EIF3D: variants seen among roughly 807,000 people sequenced by gnomAD.
EIF3D encodes eukaryotic translation initiation factor 3 subunit D, also known as eIF3 p66.
In EIF3D, 10 loss-of-function variants were observed where a neutral mutation model predicts 75.4. That is an observed-to-expected ratio of 0.13 (90% CI 0.08 to 0.22). The LOEUF (loss-of-function observed/expected upper bound fraction) is 0.22, where lower values mean the gene tolerates loss of function less well. EIF3D is among the 10% of genes least tolerant of loss of function. The probability of loss-of-function intolerance (pLI) is 1.00; values close to 1 mark genes in which losing one functional copy is unlikely to be tolerated. For synonymous variants in EIF3D, 246 were observed against 248.3 expected, an observed-to-expected ratio of 0.99 and a Z score of 0.09; for missense variants, 394 against 708.0, an observed-to-expected ratio of 0.56 and a Z score of 5.03.
Position 36,510,862 on chromosome 22 carries a change from T to C in EIF3D, c.*125A>G. ...TGCAGGCAGACGATGAGGGAAAGAC[T>C]AAACAGATATATATTTTATTTCATC... is the stretch of plus-strand genomic sequence containing the variant. On this transcript the variant is annotated 3_prime_UTR_variant, in exon 15 of 15. Coordinates refer to ENST00000216190, the MANE Select transcript of EIF3D (RefSeq NM_003753.4). 1 of 1,185,658 alleles carries C rather than the reference T, an allele frequency of 8.4e-7. No individual in the cohort carries two copies. Among genetic ancestry groups the C allele is most frequent in the Non-Finnish European group, 1.2e-6 (1 of 867,196 alleles). The allele number at this position is 1,185,658 out of a possible 1,614,324, so 73.4% of individuals were successfully genotyped here.
chr22:36,518,494 TAAAA>T (rs66811304), intron 9 of EIF3D, among the ~76,000 whole-genome samples: 1 of 144,698 alleles, frequency 6.9e-6, no homozygotes, highest in East Asian at 2.0e-4. Flanking sequence ...CTGTCTCAAT[TAAAA>T]AAAAAAAAAA....
Position 36,525,650 on chromosome 22 carries a change from G to A in EIF3D, c.169+14C>T, listed in dbSNP as rs959065432. 6 of 1,612,160 alleles carry A rather than the reference G, an allele frequency of 3.7e-6. No homozygotes were observed. Among genetic ancestry groups the A allele is most frequent in the Admixed American group, 3.4e-5 (2 of 59,368 alleles). ...AAGGCCCTGATTGGGGCATTCAGTTGCAGAAACACTTACTTGTGTACCTCT... is the reference window on the plus strand; with the variant it reads ...AAGGCCCTGATTGGGGCATTCAGTTACAGAAACACTTACTTGTGTACCTCT... On this transcript the variant is annotated intron_variant, in intron 3 of 14. Coordinates refer to ENST00000216190, the MANE Select transcript of EIF3D (RefSeq NM_003753.4).
At chr22:36,514,425 C>T (rs1934390935) in intron 12 of EIF3D, among the ~76,000 whole-genome samples, 1 of 152,262 alleles carries the variant, frequency 6.6e-6, no homozygotes, top group African/African-American at 2.4e-5. Context: ...CCTTGTATGT[C>T]AAAAGGGATT....
chr22:36,512,756 C>T (rs1050420386), intron 12 of EIF3D, 154 bp from the exon 13 acceptor site: 31 of 845,220 alleles, frequency 3.7e-5, no homozygotes, highest in Non-Finnish European at 5.0e-5. Flanking sequence ...AAGACATAGT[C>T]CCTTCCCTTG....
chr22:36,523,061 G>C (rs1350176926), intron 6 of EIF3D, 148 bp downstream of exon 6: 5 of 682,610 alleles, frequency 7.3e-6, no homozygotes, highest in Admixed American at 2.3e-5. Flanking sequence ...AAAATGGTCT[G>C]AAATTGACCA....
intron 13 of EIF3D, among the ~76,000 whole-genome samples, chr22:36,512,026 G>A (rs1391397497): frequency 6.6e-6 from 1 of 151,668 alleles, no homozygotes; most frequent in Non-Finnish European, 1.5e-5. Flanking sequence ...GAGTAGCTGG[G>A]GCTACAGGCG....
At chr22:36,523,145 T>C (rs764953453) in intron 6 of EIF3D, 64 bp downstream of exon 6, 1 of 1,314,114 alleles carries the variant, frequency 7.6e-7, no homozygotes, top group Non-Finnish European at 1.1e-6. Context: ...TCTAAGCTAT[T>C]AATAAAGACA....
intron 9 of EIF3D, among the ~76,000 whole-genome samples, chr22:36,518,318 G>A (rs560758025): frequency 6.6e-6 from 1 of 151,888 alleles, no homozygotes; most frequent in Admixed American, 6.6e-5. Context: ...TGGTGAAACC[G>A]TCTCTACTAA....
intron 5 of EIF3D, among the ~76,000 whole-genome samples, chr22:36,523,544 T>A (rs1198911770): frequency 6.6e-6 from 1 of 152,196 alleles, no homozygotes; most frequent in Non-Finnish European, 1.5e-5. Context: ...TGGGGTGTAG[T>A]GGCCGCTGGA....
intron 1 of EIF3D, among the ~76,000 whole-genome samples, chr22:36,527,151 C>A (rs1369719456): frequency 6.6e-6 from 1 of 152,242 alleles, no homozygotes; most frequent in Admixed American, 6.5e-5. Flanking sequence ...TCCCCACAGA[C>A]CTCAGGCCCA....
At chr22:36,514,323 C>T (rs1029254917) in intron 12 of EIF3D, among the ~76,000 whole-genome samples, 2 of 151,138 alleles carry the variant, frequency 1.3e-5, no homozygotes, top group South Asian at 4.2e-4. Context: ...CTAAGATGAC[C>T]CCCAGTGACC....
intron 6 of EIF3D, 116 bp downstream of exon 6, chr22:36,523,093 A>G (rs780333761): frequency 1.1e-6 from 1 of 888,704 alleles, no homozygotes; most frequent in Non-Finnish European, 1.9e-6. Context: ...CTTCAAATAT[A>G]TTAAAAACCA....
At chr22:36,512,677 A>G in intron 12 of EIF3D, 75 bp from the exon 13 acceptor site, 3 of 1,521,204 alleles carry the variant, frequency 2.0e-6, no homozygotes, top group South Asian at 1.2e-5. Context: ...TCTGGCAGAG[A>G]AGGAACTCCC....
chr22:36,513,958 G>A (rs909692089), intron 12 of EIF3D, among the ~76,000 whole-genome samples: 5 of 152,208 alleles, frequency 3.3e-5, no homozygotes, highest in African/African-American at 9.7e-5. Context: ...GTTGGGTGGA[G>A]GTAGAGAAAT....
rs1343183997 is a variant in EIF3D at position 36,523,877 on chromosome 22, G to A, written c.392+18C>T. ...AGTCTGGGAAGGGTGTCTTGTTCCA[G>A]CAGGATGAAAATCTCACCTCTCTTT... On this transcript the variant is annotated intron_variant, in intron 5 of 14. Transcript: ENST00000216190. 13 of 1,611,104 alleles carry A rather than the reference G, an allele frequency of 8.1e-6. No homozygotes were observed. The highest frequency in any genetic ancestry group is 1.1e-5 in the Non-Finnish European group (13 of 1,177,354).
intron 4 of EIF3D, among the ~76,000 whole-genome samples, 161 bp from the exon 5 acceptor site, chr22:36,524,141 T>G (rs879697684): frequency 6.6e-6 from 1 of 152,088 alleles, no homozygotes; most frequent in Non-Finnish European, 1.5e-5. Context: ...TTGGGGGTGT[T>G]AGGGGGTAAG....
intron 6 of EIF3D, 155 bp downstream of exon 6, chr22:36,523,054 A>G (rs542561727): frequency 3.1e-6 from 2 of 648,174 alleles, no homozygotes; most frequent in African/African-American, 3.7e-5. Flanking sequence ...GGTGATGAAA[A>G]TGGTCTGAAA....
rs774431343 is a variant in EIF3D at position 36,519,586 on chromosome 22, A to G, written c.579-49T>C. Reference sequence around the variant, plus strand: ...ATGCAAAGTAAGAGAGATAACCCCCAGTTTTTTCTTTTAAGCCATACATCC... The same window carrying G: ...ATGCAAAGTAAGAGAGATAACCCCCGGTTTTTTCTTTTAAGCCATACATCC... On this transcript the variant is annotated intron_variant, in intron 7 of 14. Coordinates refer to ENST00000216190, the MANE Select transcript of EIF3D (RefSeq NM_003753.4). 3.1e-6 allele frequency: 5 copies of G among 1,606,442 alleles called. No homozygotes were observed. The South Asian group carries it at 4.4e-5, about 14-fold the overall frequency.
chr22:36,515,531 AAAAAT>A (rs1934410129), intron 12 of EIF3D, among the ~76,000 whole-genome samples: 1 of 152,228 alleles, frequency 6.6e-6, no homozygotes, highest in South Asian at 2.1e-4. Flanking sequence ...TCCGTTTCAG[AAAAAT>A]AAAATAAAAA....
Sources: allele counts gnomAD v4.1 joint callset (sites outside exome capture counted in the v4.1 genomes callset), GRCh38; gene constraint gnomAD v4.1.1; transcripts MANE v1.5; gene names NCBI Gene and HGNC (gene_info 2026-07-23, HGNC 2026-07-21).